The following RAB3C variants were observed in gnomAD, a reference collection of about 807,000 sequenced individuals.
The protein encoded by RAB3C is RAB3C, member RAS oncogene family.
A neutral mutation model predicts 26.4 loss-of-function variants in RAB3C; 17 were observed. That is an observed-to-expected ratio of 0.64 (90% CI 0.44 to 0.97). RAB3C has a LOEUF of 0.97. RAB3C is among the 50% of genes least tolerant of loss of function. RAB3C has a pLI of 0.00. For missense variants in RAB3C, 242 were observed against 281.9 expected, an observed-to-expected ratio of 0.86 and a Z score of 1.01; for synonymous variants, 91 against 95.9, an observed-to-expected ratio of 0.95 and a Z score of 0.30.
chr5:58,810,689 G>A (rs922999394), intron 3 of RAB3C, among the ~76,000 whole-genome samples: 5 of 151,962 alleles, frequency 3.3e-5, no homozygotes, highest in South Asian at 2.1e-4. Context: ...CCCCACCTCC[G>A]AGGTTCAAGC....
chr5:58,645,282 C>T (rs531581448), intron 2 of RAB3C, among the ~76,000 whole-genome samples: 1 of 152,270 alleles, frequency 6.6e-6, no homozygotes, highest in East Asian at 1.9e-4. Flanking sequence ...GAGAGATCAC[C>T]AGATTCTAAT....
intron 3 of RAB3C, among the ~76,000 whole-genome samples, chr5:58,794,879 G>A (rs1020762509): frequency 6.6e-6 from 1 of 152,218 alleles, no homozygotes. Context: ...TTCCCCTTCA[G>A]TAGGTTCTGT....
intron 3 of RAB3C, chr5:58,794,644 A>G (rs535856086): frequency 1.3e-5 from 2 of 152,322 alleles, no homozygotes; most frequent in East Asian, 3.9e-4. Flanking sequence ...TATTAAAAAA[A>G]CATTTATTAA....
intron 2 of RAB3C, among the ~76,000 whole-genome samples, chr5:58,627,471 TAAAAAAAAAA>T (rs58104232): frequency 2.6e-4 from 18 of 68,426 alleles, no homozygotes; most frequent in Non-Finnish European, 3.9e-4. Flanking sequence ...GACTCCGTCT[TAAAAAAAAAA>T]AAAAAAAAAA....
chr5:58,728,280 G>A (rs1351894196), intron 3 of RAB3C, among the ~76,000 whole-genome samples: 2 of 151,982 alleles, frequency 1.3e-5, no homozygotes, highest in Non-Finnish European at 2.9e-5. Context: ...TCAGTTAATA[G>A]ATCCACCATC....
chr5:58,583,415 G>A, intron 1 of RAB3C, 183 bp downstream of exon 1: 1 of 892,588 alleles, frequency 1.1e-6, no homozygotes, highest in East Asian at 1.2e-4. Flanking sequence ...TGTGATTGGG[G>A]CTGTCTTGAT....
intron 2 of RAB3C, among the ~76,000 whole-genome samples, chr5:58,683,561 AGTT>A (rs766463441): frequency 2.6e-5 from 4 of 152,216 alleles, no homozygotes; most frequent in Non-Finnish European, 5.9e-5. Context: ...ACAAATGTAT[AGTT>A]GTTCCCCCTT....
chr5:58,688,361 C>T (rs115782283), intron 2 of RAB3C, among the ~76,000 whole-genome samples: 1 of 152,192 alleles, frequency 6.6e-6, no homozygotes, highest in Non-Finnish European at 1.5e-5. Context: ...TAAGTAGTAG[C>T]ATTTCCAGGA....
chr5:58,813,985 C>G (rs963691094), intron 3 of RAB3C, among the ~76,000 whole-genome samples: 1 of 152,122 alleles, frequency 6.6e-6, no homozygotes, highest in Non-Finnish European at 1.5e-5. Flanking sequence ...CAGAGATAAC[C>G]TGGAAAGCTG....
chr5:58,823,391 G>C (rs1354348919), intron 3 of RAB3C: 4 of 173,812 alleles, frequency 2.3e-5, no homozygotes. Flanking sequence ...AGGCATGGTG[G>C]TGTGCACCTG....
At chr5:58,792,263 TATC>T (rs1742540722) in intron 3 of RAB3C, among the ~76,000 whole-genome samples, 1 of 152,220 alleles carries the variant, frequency 6.6e-6, no homozygotes, top group Non-Finnish European at 1.5e-5. Flanking sequence ...GTGGCTTCTA[TATC>T]TGGAATACTT....
chr5:58,779,335 AATTTATATATATATAAAATATG>A (rs1350514557), intron 3 of RAB3C, among the ~76,000 whole-genome samples: 1 of 148,632 alleles, frequency 6.7e-6, no homozygotes, highest in Non-Finnish European at 1.5e-5. Flanking sequence ...ATACATATAT[AATTTATATATATATAAAATATG>A]ATTTATATAT....
intron 4 of RAB3C, among the ~76,000 whole-genome samples, chr5:58,831,756 T>G (rs1405458736): frequency 6.6e-6 from 1 of 152,128 alleles, no homozygotes; most frequent in Non-Finnish European, 1.5e-5. Flanking sequence ...GGACCTTGCT[T>G]ATTTCTCAAA....
chr5:58,791,067 TA>T lies in RAB3C; in HGVS notation c.372-33960del, dbSNP rs3060348. On this transcript the variant is annotated intron_variant, in intron 3 of 4. Coordinates refer to ENST00000282878, the MANE Select transcript of RAB3C (RefSeq NM_138453.4). ...TCTGGCTACATATAATTTTTGACAT[TA>T]AAAAAAAAAACATATATGAAGAAGA... Among the ~76,000 whole-genome samples the T allele has an allele frequency of 4.9e-3, 729 of 149,052 alleles. 4 individuals are homozygous for T. The highest frequency in any genetic ancestry group is 0.02 in the East Asian group (100 of 5,110).
At chr5:58,752,283 A>C (rs966604092) in intron 3 of RAB3C, among the ~76,000 whole-genome samples, 1 of 152,290 alleles carries the variant, frequency 6.6e-6, no homozygotes, top group Non-Finnish European at 1.5e-5. Context: ...TAGAACTGCA[A>C]TTCAGTGCTT....
chr5:58,727,581 AG>A (rs1424171858), intron 3 of RAB3C, among the ~76,000 whole-genome samples: 2 of 152,034 alleles, frequency 1.3e-5, no homozygotes, highest in African/African-American at 4.8e-5. Flanking sequence ...AATCTATATG[AG>A]GATATAGTTG....
At position 58,857,135 on chromosome 5, in the gene RAB3C, T is replaced by C. The variant is rs1379743226; in HGVS notation, c.*5784T>C. ...GACTCACTCAGTGTATATAAACTAG[T>C]ATGAAAGAGTGAATTATAATGAATG... On this transcript the variant is annotated 3_prime_UTR_variant, in exon 5 of 5. Coordinates refer to ENST00000282878, the MANE Select transcript of RAB3C (RefSeq NM_138453.4). 1 of 152,188 alleles carries C rather than the reference T, an allele frequency of 6.6e-6. No individual in the cohort carries two copies. Among genetic ancestry groups the C allele is most frequent in the Non-Finnish European group, 1.5e-5 (1 of 68,040 alleles). The allele number at this position is 152,188 out of a possible 1,614,324, so 9.4% of individuals were successfully genotyped here.
At chr5:58,679,857 G>A (rs1748310800) in intron 2 of RAB3C, among the ~76,000 whole-genome samples, 1 of 152,186 alleles carries the variant, frequency 6.6e-6, no homozygotes, top group South Asian at 2.1e-4. Context: ...GAATCAGTGA[G>A]CAGTACACAT....
intron 3 of RAB3C, among the ~76,000 whole-genome samples, chr5:58,820,560 T>C (rs1743314467): frequency 6.6e-6 from 1 of 152,224 alleles, no homozygotes; most frequent in Non-Finnish European, 1.5e-5. Context: ...AATCAGTCTT[T>C]TGTTCATCGT....
Sources: gnomAD v4.1 joint callset for allele counts (sites outside exome capture counted in the v4.1 genomes callset) on GRCh38, gnomAD v4.1.1 for gene constraint, MANE v1.5 for transcripts, NCBI Gene and HGNC (gene_info 2026-07-23, HGNC 2026-07-21) for gene names.